OSBPL9: variants seen among roughly 807,000 people sequenced by gnomAD.
OSBPL9 encodes the protein oxysterol-binding protein-related protein 9.
In OSBPL9, 40 loss-of-function variants were observed where a neutral mutation model predicts 106.6. That is an observed-to-expected ratio of 0.38 (90% CI 0.29 to 0.49). The LOEUF (loss-of-function observed/expected upper bound fraction) is 0.49, where lower values mean the gene tolerates loss of function less well. Ranked by LOEUF, OSBPL9 falls within the 20% of genes least tolerant of loss-of-function variation. The probability of loss-of-function intolerance (pLI) is 0.97; values close to 1 mark genes in which losing one functional copy is unlikely to be tolerated. For missense variants in OSBPL9, 609 were observed against 887.2 expected (o/e 0.69, Z 3.98); for synonymous variants, 269 against 295.4 (o/e 0.91, Z 0.92).
chr1:51,581,887 CATT>C (rs1260353406), intron 1 of OSBPL9, among the ~76,000 whole-genome samples: 1 of 152,256 alleles, frequency 6.6e-6, no homozygotes, highest in African/African-American at 2.4e-5. Flanking sequence ...ACACCCCCAT[CATT>C]GTGATTTTTG....
intron 1 of OSBPL9, among the ~76,000 whole-genome samples, chr1:51,625,042 C>A (rs911256557): frequency 1.3e-5 from 2 of 152,204 alleles, no homozygotes; most frequent in East Asian, 3.8e-4. Flanking sequence ...ACAGAATATA[C>A]TAATAGCAAA....
chr1:51,680,016 G>A (rs955655537), intron 3 of OSBPL9, among the ~76,000 whole-genome samples: 7 of 152,152 alleles, frequency 4.6e-5, no homozygotes, highest in Admixed American at 4.6e-4. Flanking sequence ...TATTCTGTAT[G>A]TGTATGAATG....
chr1:51,722,663 C>A (rs549821585), intron 4 of OSBPL9, among the ~76,000 whole-genome samples: 20 of 152,298 alleles, frequency 1.3e-4, no homozygotes, highest in African/African-American at 4.6e-4. Flanking sequence ...CCAAATATTT[C>A]TTTCTGTTGG....
In OSBPL9 at chr1:51,745,637, G is replaced by A. The variant is rs1332093969; in HGVS notation, c.414+6G>A. 1.4e-5 allele frequency: 22 copies of A among 1,544,516 alleles called. No individual in the cohort carries two copies. Among genetic ancestry groups the A allele is most frequent in the Non-Finnish European group, 1.9e-5 (22 of 1,153,164 alleles). ...TCTTGATTGAACAATTAAAGGTATG[G>A]CATTAGTTTGTATATTAAATTTATA... On this transcript the variant is annotated splice_donor_region_variant and intron_variant, in intron 5 of 23. Coordinates refer to ENST00000428468, the MANE Select transcript of OSBPL9 (RefSeq NM_024586.6).
chr1:51,718,314 A>T (rs1268790660), intron 4 of OSBPL9, among the ~76,000 whole-genome samples: 3 of 152,210 alleles, frequency 2.0e-5, no homozygotes, highest in Admixed American at 6.5e-5. Context: ...ACTATAGTCA[A>T]CAGTAATTAT....
chr1:51,564,685 TG>T, the OSBPL9 span, among the ~76,000 whole-genome samples: 7 of 152,352 alleles, frequency 4.6e-5, no homozygotes, highest in African/African-American at 1.4e-4. Flanking sequence ...GAAAGTTCTC[TG>T]GTTCCTAGCC....
At chr1:51,683,591 G>A (rs1381633706) in intron 3 of OSBPL9, among the ~76,000 whole-genome samples, 1 of 150,736 alleles carries the variant, frequency 6.6e-6, no homozygotes, top group African/African-American at 2.4e-5. Context: ...CCAGCAGTTC[G>A]AGACCAGCCT....
chr1:51,643,846 T>C (rs1254693780), intron 1 of OSBPL9, among the ~76,000 whole-genome samples: 2 of 151,770 alleles, frequency 1.3e-5, no homozygotes, highest in Non-Finnish European at 2.9e-5. Context: ...TTTGGGAGGC[T>C]GAGGTGGGTA....
At chr1:51,656,638 A>C (rs1376795661) in intron 2 of OSBPL9, among the ~76,000 whole-genome samples, 120 of 116,094 alleles carry the variant, frequency 1.0e-3, no homozygotes, top group South Asian at 2.5e-3. Context: ...TTCTTCCCCC[A>C]CTCCTGCTTC....
At chr1:51,736,693 A>G (rs1466628196) in intron 4 of OSBPL9, among the ~76,000 whole-genome samples, 1 of 152,134 alleles carries the variant, frequency 6.6e-6, no homozygotes, top group Non-Finnish European at 1.5e-5. Flanking sequence ...TTTCCAGGAA[A>G]TTTACTCATT....
intron 3 of OSBPL9, among the ~76,000 whole-genome samples, chr1:51,711,235 C>T (rs1174210569): frequency 1.3e-5 from 2 of 150,956 alleles, no homozygotes; most frequent in African/African-American, 2.4e-5. Context: ...ACCTCCCAGA[C>T]GGGGTGGTGG....
the OSBPL9 span, among the ~76,000 whole-genome samples, chr1:51,549,924 A>G: frequency 6.6e-6 from 1 of 152,208 alleles, no homozygotes; most frequent in South Asian, 2.1e-4. Context: ...AGTAATAGAT[A>G]TTCACTCACT....
the OSBPL9 span, among the ~76,000 whole-genome samples, chr1:51,542,446 C>T: frequency 6.6e-6 from 1 of 152,164 alleles, no homozygotes; most frequent in South Asian, 2.1e-4. Context: ...TCTTGAATCA[C>T]AGCTCAAGGG....
intron 2 of OSBPL9, among the ~76,000 whole-genome samples, chr1:51,600,057 C>T (rs1053538918): frequency 2.0e-5 from 3 of 152,304 alleles, no homozygotes; most frequent in Admixed American, 6.5e-5. Context: ...AGAGCAGGGC[C>T]CTTATGGCTT....
chr1:51,531,478 A>G, the OSBPL9 span, among the ~76,000 whole-genome samples: 1 of 152,158 alleles, frequency 6.6e-6, no homozygotes. Flanking sequence ...AGCACACCAG[A>G]TTTGCTAAAG....
At chr1:51,704,164 G>A (rs1657921110) in intron 3 of OSBPL9, among the ~76,000 whole-genome samples, 1 of 152,154 alleles carries the variant, frequency 6.6e-6, no homozygotes, top group Admixed American at 6.5e-5. Context: ...ATGAGTTAGG[G>A]AGGATTCCCT....
chr1:51,763,203 A>G (rs1181723180), intron 11 of OSBPL9, among the ~76,000 whole-genome samples: 2 of 151,978 alleles, frequency 1.3e-5, no homozygotes, highest in Non-Finnish European at 2.9e-5. Flanking sequence ...ACGGCATTTC[A>G]CTATGTTGGC....
intron 3 of OSBPL9, among the ~76,000 whole-genome samples, chr1:51,701,902 G>A (rs1416638896): frequency 3.3e-5 from 5 of 151,990 alleles, no homozygotes; most frequent in Admixed American, 2.6e-4. Context: ...GCGGTGTTTC[G>A]TTTTTTGTCC....
chr1:51,751,074 T>C (rs1669128697), intron 8 of OSBPL9, among the ~76,000 whole-genome samples: 2 of 152,220 alleles, frequency 1.3e-5, no homozygotes, highest in Admixed American at 6.5e-5. Context: ...CATTTTCTTT[T>C]GAGGCCTGAT....
Sources: allele counts gnomAD v4.1 joint callset (sites outside exome capture counted in the v4.1 genomes callset), GRCh38; gene constraint gnomAD v4.1.1; transcripts MANE v1.5; gene names NCBI Gene and HGNC (gene_info 2026-07-23, HGNC 2026-07-21).